ZMAT4: variants seen among roughly 807,000 people sequenced by gnomAD.
ZMAT4 encodes the protein zinc finger matrin-type 4, also known as zinc finger matrin-type protein 4.
ZMAT4 carries 17 observed loss-of-function variants against 28.7 expected under a neutral mutation model. The ratio of observed to expected loss-of-function variants is 0.59; its 90% CI spans 0.41 to 0.89. The LOEUF (loss-of-function observed/expected upper bound fraction) is 0.89, where lower values mean the gene tolerates loss of function less well. Ranked by LOEUF, ZMAT4 falls within the 40% of genes least tolerant of loss-of-function variation. The pLI is 0.00. For missense variants in ZMAT4, 240 were observed against 283.8 expected (o/e 0.85, Z 1.11); for synonymous variants, 117 against 109.2 (o/e 1.07, Z -0.44).
chr8:40,852,179 T>C (rs1032156520), intron 1 of ZMAT4, among the ~76,000 whole-genome samples: 5 of 152,150 alleles, frequency 3.3e-5, no homozygotes, highest in African/African-American at 7.2e-5. Flanking sequence ...GCTATAATTT[T>C]GTGTCCTTTA....
At chr8:40,792,397 T>A (rs991255932) in intron 2 of ZMAT4, among the ~76,000 whole-genome samples, 20 of 146,552 alleles carry the variant, frequency 1.4e-4, no homozygotes, top group African/African-American at 4.6e-4. Context: ...ATTAAAAATC[T>A]TGCCATTAGC....
chr8:40,604,586 G>A (rs1254978486), intron 5 of ZMAT4, among the ~76,000 whole-genome samples: 2 of 152,144 alleles, frequency 1.3e-5, no homozygotes, highest in Non-Finnish European at 2.9e-5. Flanking sequence ...GATCATGGTG[G>A]ATAATTTTTT....
intron 3 of ZMAT4, among the ~76,000 whole-genome samples, chr8:40,732,067 G>A (rs2150526943): frequency 6.6e-6 from 1 of 152,202 alleles, no homozygotes; most frequent in Non-Finnish European, 1.5e-5. Context: ...TGGGAGGAGG[G>A]GAATCAGGGA....
chr8:40,694,964 C>G (rs1187187470), intron 4 of ZMAT4, among the ~76,000 whole-genome samples: 1 of 152,124 alleles, frequency 6.6e-6, no homozygotes, highest in Non-Finnish European at 1.5e-5. Context: ...TGCCCCACAC[C>G]CAGAAGGAAG....
chr8:40,551,986 T>G (rs1177580974), intron 6 of ZMAT4, among the ~76,000 whole-genome samples: 1 of 152,162 alleles, frequency 6.6e-6, no homozygotes, highest in African/African-American at 2.4e-5. Context: ...GTGCACGCCT[T>G]AAGAACTGTG....
At chr8:40,811,960 G>A (rs532059258) in intron 2 of ZMAT4, among the ~76,000 whole-genome samples, 24 of 152,004 alleles carry the variant, frequency 1.6e-4, no homozygotes, top group Admixed American at 7.9e-4. Flanking sequence ...ATGAAATCCC[G>A]TCTCTACTAA....
chr8:40,712,614 C>T (rs2150509188), intron 3 of ZMAT4, among the ~76,000 whole-genome samples: 1 of 152,294 alleles, frequency 6.6e-6, no homozygotes, highest in Non-Finnish European at 1.5e-5. Flanking sequence ...GAATGCAGCT[C>T]CCCACCTTAC....
chr8:40,604,537 T>C (rs1307053745), intron 5 of ZMAT4, among the ~76,000 whole-genome samples: 1 of 152,262 alleles, frequency 6.6e-6, no homozygotes, highest in Non-Finnish European at 1.5e-5. Context: ...AGCTTGCATA[T>C]GTCGAACCAT....
At chr8:40,803,702 T>C (rs1814953696) in intron 2 of ZMAT4, among the ~76,000 whole-genome samples, 1 of 152,146 alleles carries the variant, frequency 6.6e-6, no homozygotes, top group African/African-American at 2.4e-5. Context: ...ACTCCTTCCA[T>C]ATAATCCAGA....
Position 40,762,134 on chromosome 8 carries a change from G to A in ZMAT4, c.192+5507C>T, listed in dbSNP as rs138582587. 2.7e-3 allele frequency among the ~76,000 whole-genome samples: 412 copies of A among 152,262 alleles called. 2 individuals carry two copies. Among genetic ancestry groups the A allele is most frequent in the Middle Eastern group, 6.8e-3 (2 of 294 alleles). On this transcript the variant is annotated intron_variant, in intron 3 of 6. Coordinates refer to ENST00000297737, the MANE Select transcript of ZMAT4 (RefSeq NM_024645.3). ...GACATTTGACAAAGTAAATGTCAAC[G>A]TTACGCACAATGTCCCACCATCCCA...
chr8:40,734,618 T>C (rs571540745), intron 3 of ZMAT4, among the ~76,000 whole-genome samples: 4 of 152,248 alleles, frequency 2.6e-5, no homozygotes, highest in Non-Finnish European at 4.4e-5. Flanking sequence ...CGTCTCTCAT[T>C]AGAAAACATT....
At chr8:40,597,619 T>C (rs1297787337) in intron 5 of ZMAT4, among the ~76,000 whole-genome samples, 2 of 152,206 alleles carry the variant, frequency 1.3e-5, no homozygotes, top group East Asian at 1.9e-4. Flanking sequence ...TATTTTACTT[T>C]TTAATTTTTT....
chr8:40,793,990 C>T (rs979936797), intron 2 of ZMAT4, among the ~76,000 whole-genome samples: 1 of 152,234 alleles, frequency 6.6e-6, no homozygotes, highest in African/African-American at 2.4e-5. Context: ...CGCTGGTATT[C>T]TCATTCAGTT....
At chr8:40,853,803 T>G (rs1817201601) in intron 1 of ZMAT4, among the ~76,000 whole-genome samples, 1 of 152,236 alleles carries the variant, frequency 6.6e-6, no homozygotes, top group Non-Finnish European at 1.5e-5. Flanking sequence ...TTAACATCGT[T>G]AAGCAAGTAG....
At chr8:40,662,915 AC>A (rs1365373204) in intron 5 of ZMAT4, among the ~76,000 whole-genome samples, 1 of 151,858 alleles carries the variant, frequency 6.6e-6, no homozygotes, top group Non-Finnish European at 1.5e-5. Flanking sequence ...TTCCCCCTTG[AC>A]CTCTGCCTTG....
In ZMAT4 at chr8:40,807,735, A is replaced by G. The variant is rs567452232; in HGVS notation, c.102+17840T>C. On this transcript the variant is annotated intron_variant, in intron 2 of 6. Coordinates refer to ENST00000297737, the MANE Select transcript of ZMAT4 (RefSeq NM_024645.3). ...CATTTCATGAAAAATTCTAAATGCC[A>G]TAGAGGCACAGTGACTTCATTAATT... Among the ~76,000 whole-genome samples, 4 of 152,374 alleles carry G rather than the reference A, an allele frequency of 2.6e-5. No homozygotes were observed. The East Asian group carries it at 7.7e-4, about 29-fold the overall frequency.
intron 3 of ZMAT4, among the ~76,000 whole-genome samples, chr8:40,754,583 T>A (rs1053456069): frequency 1.3e-5 from 2 of 152,214 alleles, no homozygotes; most frequent in Admixed American, 1.3e-4. Context: ...TGTACCTGTA[T>A]AACAAAAAAT....
At chr8:40,700,561 G>A (rs898198082) in intron 3 of ZMAT4, among the ~76,000 whole-genome samples, 2 of 152,082 alleles carry the variant, frequency 1.3e-5, no homozygotes, top group African/African-American at 4.8e-5. Context: ...TAGGATCACA[G>A]GCACATGCCA....
Position 40,881,499 on chromosome 8 carries a change from G to GA in ZMAT4, c.-5+16183dup, listed in dbSNP as rs1413051640. 6.9e-5 allele frequency among the ~76,000 whole-genome samples: 9 copies of GA among 129,626 alleles called. No homozygotes were observed. In the South Asian group the frequency reaches 1.6e-3, roughly 23 times the overall value. The allele number at this position is 129,626 out of a possible 152,430, so 85.0% of individuals were successfully genotyped here. ...AGAAAGAAAGAAAGAAAGAAAGAAA[G>GA]AGGAAGGAAGGAAGGGGAGAGAGAG... On this transcript the variant is annotated intron_variant, in intron 1 of 6. Transcript: ENST00000297737.
Sources: allele counts gnomAD v4.1 joint callset (sites outside exome capture counted in the v4.1 genomes callset), GRCh38; gene constraint gnomAD v4.1.1; transcripts MANE v1.5; gene names NCBI Gene and HGNC (gene_info 2026-07-23, HGNC 2026-07-21).